Variants in PCBP3 observed in about 807,000 individuals in gnomAD.
PCBP3 encodes poly(rC)-binding protein 3.
A neutral mutation model predicts 52.7 loss-of-function variants in PCBP3; 25 were observed. The ratio of observed to expected loss-of-function variants is 0.47; its 90% CI spans 0.35 to 0.66. The LOEUF (loss-of-function observed/expected upper bound fraction) is 0.66. Among genes scored for constraint, PCBP3 ranks in the 30% least tolerant of loss-of-function variants. PCBP3 has a pLI of 0.01. For missense variants in PCBP3, 391 were observed against 490.3 expected, an observed-to-expected ratio of 0.80 and a Z score of 1.91; for synonymous variants, 162 against 183.0, an observed-to-expected ratio of 0.89 and a Z score of 0.93.
intron 5 of PCBP3, among the ~76,000 whole-genome samples, chr21:45,854,953 G>A (rs2094211706): frequency 3.3e-5 from 5 of 152,228 alleles, no homozygotes; most frequent in Admixed American, 3.3e-4. Flanking sequence ...TTCACAGCAG[G>A]CTGAAACCCA....
chr21:45,875,069 C>T (rs1186666778), intron 5 of PCBP3, among the ~76,000 whole-genome samples: 5 of 152,280 alleles, frequency 3.3e-5, no homozygotes, highest in South Asian at 2.1e-4. Context: ...CCGAGCAGCG[C>T]GGTCGCCCCT....
intron 13 of PCBP3, among the ~76,000 whole-genome samples, chr21:45,923,800 C>T (rs986317466): frequency 6.6e-6 from 1 of 151,936 alleles, no homozygotes; most frequent in Non-Finnish European, 1.5e-5. Flanking sequence ...AGAAACAGCA[C>T]ACGTAAGATC....
rs1280142844 is a variant in PCBP3 at position 45,736,924 on chromosome 21, T to C, written c.-162+1495T>C. On this transcript the variant is annotated intron_variant, in intron 3 of 17. Transcript: ENST00000681687. The surrounding 1 kb of genome is among the most constrained non-coding windows in gnomAD (Gnocchi z 4.6). The stretch of plus-strand genomic sequence containing the variant: ...GGGCAGGGTGTGGGAGTCCTGGTGC[T>C]GTGTGAATAGGCCGTCAGGTCAGCC... Among the ~76,000 whole-genome samples, 1 of 151,512 alleles carries C rather than the reference T, an allele frequency of 6.6e-6. No homozygotes were observed. The highest frequency in any genetic ancestry group is 1.5e-5 in the Non-Finnish European group (1 of 67,890).
rs2093606163 is a variant in PCBP3, at chr21:45,837,078, AG to A, written c.-125-12881del. On this transcript the variant is annotated intron_variant, in intron 4 of 17. Coordinates refer to ENST00000681687, the MANE Select transcript of PCBP3 (RefSeq NM_001384156.1). This position sits in a 1 kb window ranked among gnomAD's most constrained non-coding sequence, Gnocchi z 4.1. ...ATTGCTGCATCATAAAGTCTGTGAA[AG>A]GTGAACTTTCAGGAACTTTCAGGAC... Among the ~76,000 whole-genome samples, 1 of 152,202 alleles carries A rather than the reference AG, an allele frequency of 6.6e-6. No homozygotes were observed. Among genetic ancestry groups the A allele is most frequent in the African/African-American group, 2.4e-5 (1 of 41,452 alleles).
In PCBP3 at chr21:45,827,098, A is replaced by G. The variant is rs1238721033; in HGVS notation, c.-125-22863A>G. Among the ~76,000 whole-genome samples the G allele has an allele frequency of 1.3e-5, 2 of 151,810 alleles. No individual in the cohort carries two copies. The highest frequency in any genetic ancestry group is 2.9e-5 in the Non-Finnish European group (2 of 67,962). The stretch of plus-strand genomic sequence containing the variant: ...AGCCAGGCTCTCAAGAGCGCTCCCC[A>G]CTCCCGCGTCCCTGGGGACCACACG... On this transcript the variant is annotated intron_variant, in intron 4 of 17. Transcript: ENST00000681687. The surrounding 1 kb of genome is among the most constrained non-coding windows in gnomAD (Gnocchi z 4.3).
intron 9 of PCBP3, among the ~76,000 whole-genome samples, chr21:45,908,628 T>C (rs1603484940): frequency 2.7e-5 from 4 of 150,796 alleles, no homozygotes; most frequent in Admixed American, 2.6e-4. Context: ...TGCAGCGAGC[T>C]CCGGAGCTGC....
intron 4 of PCBP3, among the ~76,000 whole-genome samples, chr21:45,793,563 G>C (rs1836964789): frequency 6.6e-6 from 1 of 152,160 alleles, no homozygotes; most frequent in Non-Finnish European, 1.5e-5. Flanking sequence ...AGCACAGAGC[G>C]CATCACAGGA....
intron 5 of PCBP3, among the ~76,000 whole-genome samples, chr21:45,862,190 T>C (rs11089026): frequency 2.5e-3 from 117 of 46,684 alleles, no homozygotes; most frequent in African/African-American, 0.01. Flanking sequence ...TTGGGGCGGG[T>C]GGGGGGACAC....
chr21:45,928,101 C>T lies in PCBP3; in HGVS notation c.718-1816C>T, dbSNP rs1298987660. Among the ~76,000 whole-genome samples, 2 of 152,232 alleles carry T rather than the reference C, an allele frequency of 1.3e-5. No homozygotes were observed. Among genetic ancestry groups the T allele is most frequent in the Admixed American group, 6.5e-5 (1 of 15,288 alleles). On this transcript the variant is annotated intron_variant, in intron 13 of 17. Coordinates refer to ENST00000681687, the MANE Select transcript of PCBP3 (RefSeq NM_001384156.1). The surrounding 1 kb of genome is among the most constrained non-coding windows in gnomAD (Gnocchi z 4.1). Reference sequence around the variant, plus strand: ...CCTGACGTGCCCCGTCCAGGTGGGGCGCCTTCACTAGGACCCCAGATGCGC... The same window carrying T: ...CCTGACGTGCCCCGTCCAGGTGGGGTGCCTTCACTAGGACCCCAGATGCGC...
intron 2 of PCBP3, among the ~76,000 whole-genome samples, chr21:45,677,008 A>G (rs1045950723): frequency 2.6e-5 from 4 of 152,146 alleles, no homozygotes; most frequent in African/African-American, 9.7e-5. Flanking sequence ...CTTGGCTTCA[A>G]GTGATCCACC....
At position 45,940,205 on chromosome 21, in the gene PCBP3, C is replaced by T. The variant is rs781690676; in HGVS notation, c.1079+6C>T. ...CAGTATCTCATCAACGCCAGGTGAG[C>T]ATCTCCCAAGGGTCTCTGAGAGACG... On this transcript the variant is annotated splice_donor_region_variant and intron_variant, in intron 17 of 17. Transcript: ENST00000681687. The T allele has an allele frequency of 1.9e-6, 3 of 1,610,100 alleles. No individual in the cohort carries two copies. Among genetic ancestry groups the T allele is most frequent in the Middle Eastern group, 1.8e-4 (1 of 5,674 alleles).
At chr21:45,921,583 A>C (rs951645066) in intron 13 of PCBP3, among the ~76,000 whole-genome samples, 5 of 152,208 alleles carry the variant, frequency 3.3e-5, no homozygotes, top group African/African-American at 1.2e-4. Flanking sequence ...TGGGAGGCTG[A>C]GGCAGGTGGA....
intron 4 of PCBP3, among the ~76,000 whole-genome samples, chr21:45,780,501 T>C (rs1330298875): frequency 6.6e-6 from 1 of 152,206 alleles, no homozygotes; most frequent in Non-Finnish European, 1.5e-5. Context: ...AGGTGTCCCT[T>C]TCACGTGAAA....
At chr21:45,699,634 A>C (rs1406317507) in intron 2 of PCBP3, among the ~76,000 whole-genome samples, 5 of 152,244 alleles carry the variant, frequency 3.3e-5, no homozygotes, top group Non-Finnish European at 7.3e-5. Flanking sequence ...AAGGACTCAC[A>C]GTTCCACATG....
intron 2 of PCBP3, among the ~76,000 whole-genome samples, chr21:45,698,454 G>A (rs1267213016): frequency 6.6e-6 from 1 of 152,252 alleles, no homozygotes; most frequent in Non-Finnish European, 1.5e-5. Flanking sequence ...TGAATTTCTA[G>A]CATCACGTCT....
rs1426921366 is a variant in PCBP3 at position 45,704,004 on chromosome 21, G to C, written c.-199-31388G>C. Among the ~76,000 whole-genome samples the C allele has an allele frequency of 6.6e-6, 1 of 152,108 alleles. No individual in the cohort carries two copies. The highest frequency in any genetic ancestry group is 1.9e-4 in the East Asian group (1 of 5,176). ...GGACATGGAGATGGAGGTTGCGAGTGGTTGATGGATGAAATTACCAAGTAG... is the reference window on the plus strand; with the variant it reads ...GGACATGGAGATGGAGGTTGCGAGTCGTTGATGGATGAAATTACCAAGTAG... On this transcript the variant is annotated intron_variant, in intron 2 of 17. Coordinates refer to ENST00000681687, the MANE Select transcript of PCBP3 (RefSeq NM_001384156.1). The surrounding 1 kb of genome is among the most constrained non-coding windows in gnomAD (Gnocchi z 4.1).
At chr21:45,819,215 C>T (rs553439264) in intron 4 of PCBP3, among the ~76,000 whole-genome samples, 31 of 151,750 alleles carry the variant, frequency 2.0e-4, no homozygotes, top group Non-Finnish European at 4.0e-4. Context: ...GCTCTGGTGG[C>T]GGGCTGTGGG....
intron 4 of PCBP3, among the ~76,000 whole-genome samples, chr21:45,826,749 G>A (rs1427146917): frequency 6.6e-6 from 1 of 152,170 alleles, no homozygotes; most frequent in South Asian, 2.1e-4. Context: ...AACTGGAAAC[G>A]CCAGTGGGTA....
rs114177546 is a variant in PCBP3 at position 45,853,873 on chromosome 21, C to T, written c.10+3778C>T. On this transcript the variant is annotated intron_variant, in intron 5 of 17. Coordinates refer to ENST00000681687, the MANE Select transcript of PCBP3 (RefSeq NM_001384156.1). This position sits in a 1 kb window ranked among gnomAD's most constrained non-coding sequence, Gnocchi z 4.6. ...AGTGGCAGGTGGTGGTGATAAGGGCCGGTGAGAATAAAAAGGAGCCGATGG... is the reference window on the plus strand; with the variant it reads ...AGTGGCAGGTGGTGGTGATAAGGGCTGGTGAGAATAAAAAGGAGCCGATGG... 3,478 of 152,180 alleles carry T rather than the reference C, an allele frequency of 0.023. 143 individuals carry two copies. Among genetic ancestry groups the T allele is most frequent in the African/African-American group, 0.08 (3,297 of 41,458 alleles). The allele number at this position is 152,180 out of a possible 1,614,324, so 9.4% of individuals were successfully genotyped here.
Sources: gnomAD v4.1 joint callset for allele counts (sites outside exome capture counted in the v4.1 genomes callset) on GRCh38, gnomAD v4.1.1 for gene constraint, Gnocchi (gnomAD v3.1) non-coding constraint, MANE v1.5 for transcripts, NCBI Gene and HGNC (gene_info 2026-07-23, HGNC 2026-07-21) for gene names.